Variants in AUTS2 observed in about 807,000 individuals in gnomAD.
The protein encoded by AUTS2 is activator of transcription and developmental regulator AUTS2.
In AUTS2, 17 loss-of-function variants were observed where a neutral mutation model predicts 112.4. That is an observed-to-expected ratio of 0.15 (90% CI 0.10 to 0.23). The LOEUF is 0.23. AUTS2 is among the 10% of genes least tolerant of loss of function. The probability of loss-of-function intolerance (pLI) is 1.00; values close to 1 mark genes in which losing one functional copy is unlikely to be tolerated. For synonymous variants in AUTS2, 751 were observed against 702.7 expected, an observed-to-expected ratio of 1.07 and a Z score of -1.09; for missense variants, 1,510 against 1,701.6, an observed-to-expected ratio of 0.89 and a Z score of 1.98.
chr7:70,517,346 G>A (rs1799456386), intron 5 of AUTS2, among the ~76,000 whole-genome samples: 1 of 152,050 alleles, frequency 6.6e-6, no homozygotes, highest in African/African-American at 2.4e-5. Context: ...ACATGGGTTT[G>A]GTGGTATCAG....
chr7:70,590,122 T>TTGTGTGTG (rs55775984), intron 5 of AUTS2, among the ~76,000 whole-genome samples: 9 of 143,500 alleles, frequency 6.3e-5, no homozygotes, highest in African/African-American at 1.8e-4. Flanking sequence ...GTTTTTGCAT[T>TTGTGTGTG]TGTGTGTGTG....
intron 4 of AUTS2, among the ~76,000 whole-genome samples, chr7:70,280,450 ATTTTTT>A (rs35280015): frequency 8.2e-6 from 1 of 121,864 alleles, no homozygotes; most frequent in African/African-American, 3.1e-5. Flanking sequence ...TGCCCGGCTG[ATTTTTT>A]TTTTTTTTTT....
intron 11 of AUTS2, among the ~76,000 whole-genome samples, chr7:70,772,648 A>G (rs934890002): frequency 5.9e-5 from 9 of 152,252 alleles, no homozygotes; most frequent in Admixed American, 1.3e-4. Flanking sequence ...AAAAGGCATT[A>G]GAGGTGGGGT....
At chr7:70,289,456 G>A (rs989730245) in intron 4 of AUTS2, among the ~76,000 whole-genome samples, 1 of 152,192 alleles carries the variant, frequency 6.6e-6, no homozygotes, top group Admixed American at 6.5e-5. Flanking sequence ...ACTGAGGAAT[G>A]TCCTATGGGT....
intron 2 of AUTS2, among the ~76,000 whole-genome samples, chr7:69,942,441 G>T (rs941755985): frequency 1.3e-5 from 2 of 152,098 alleles, no homozygotes; most frequent in African/African-American, 4.8e-5. Flanking sequence ...AGAAGTTTTT[G>T]GGCTATTTTT....
chr7:70,478,521 A>G (rs1238043898), intron 5 of AUTS2, among the ~76,000 whole-genome samples: 2 of 152,186 alleles, frequency 1.3e-5, no homozygotes, highest in African/African-American at 4.8e-5. Flanking sequence ...ACCACCCAGA[A>G]GTAGTTCCCT....
intron 5 of AUTS2, among the ~76,000 whole-genome samples, chr7:70,582,214 G>A (rs906809170): frequency 7.3e-5 from 11 of 151,530 alleles, no homozygotes; most frequent in East Asian, 3.9e-4. Context: ...TTAAAAGAAC[G>A]CAGTGTGGTT....
At chr7:70,099,921 G>T (rs1277495632) in intron 2 of AUTS2, among the ~76,000 whole-genome samples, 2 of 152,004 alleles carry the variant, frequency 1.3e-5, no homozygotes, top group Non-Finnish European at 2.9e-5. Context: ...CCTCTGATTT[G>T]TAGTTTGTTT....
Position 69,873,700 on chromosome 7 carries a change from A to G in AUTS2, c.310-25586A>G, listed in dbSNP as rs150620006. On this transcript the variant is annotated intron_variant, in intron 1 of 18. Coordinates refer to ENST00000342771, the MANE Select transcript of AUTS2 (RefSeq NM_015570.4). ...GTTAGAAATGCTGCAAGGAACAGAA[A>G]TGATTATCTATCCTAAGGGAATGAC... Among the ~76,000 whole-genome samples, 375 of 152,302 alleles carry G rather than the reference A, an allele frequency of 2.5e-3. 2 individuals are homozygous for G. Among genetic ancestry groups the G allele is most frequent in the African/African-American group, 8.5e-3 (354 of 41,550 alleles).
Position 70,719,707 on chromosome 7 carries a change from C to T in AUTS2, c.742+21087C>T, listed in dbSNP as rs1166396908. ...GTGAACTCCTGACCTTGTGATCCAC[C>T]CGCCTCAGCCTCCCAAAGTGCTGCG... On this transcript the variant is annotated intron_variant, in intron 6 of 18. Transcript: ENST00000342771. Among the ~76,000 whole-genome samples the T allele has an allele frequency of 3.9e-5, 6 of 152,164 alleles. No individual in the cohort carries two copies. The South Asian group carries it at 1.2e-3, about 32-fold the overall frequency.
rs201761633 is a variant in AUTS2, at chr7:69,677,710, A to G, written c.309+77748A>G. On this transcript the variant is annotated intron_variant, in intron 1 of 18. Coordinates refer to ENST00000342771, the MANE Select transcript of AUTS2 (RefSeq NM_015570.4). ...CTGGGGAGATTTATTTTTTGGAGACATCGCTCACATTGTTTACTCCTCTAG... is the reference window on the plus strand; with the variant it reads ...CTGGGGAGATTTATTTTTTGGAGACGTCGCTCACATTGTTTACTCCTCTAG... Among the ~76,000 whole-genome samples, 8 of 152,164 alleles carry G rather than the reference A, an allele frequency of 5.3e-5. No homozygotes were observed. The East Asian group carries it at 5.8e-4, about 11-fold the overall frequency.
At chr7:69,885,421 T>C (rs1346378861) in intron 1 of AUTS2, among the ~76,000 whole-genome samples, 6 of 152,238 alleles carry the variant, frequency 3.9e-5, no homozygotes, top group Non-Finnish European at 8.8e-5. Context: ...AATGTGAATT[T>C]TTCAGAAGGA....
chr7:69,668,902 C>A (rs533898365), intron 1 of AUTS2, among the ~76,000 whole-genome samples: 1 of 151,586 alleles, frequency 6.6e-6, no homozygotes, highest in Admixed American at 6.6e-5. Flanking sequence ...TTTTTCTGAT[C>A]ACATATGTAA....
intron 5 of AUTS2, among the ~76,000 whole-genome samples, chr7:70,565,760 A>G (rs1169396941): frequency 1.3e-5 from 2 of 152,346 alleles, no homozygotes; most frequent in African/African-American, 4.8e-5. Flanking sequence ...AAGCATTTCC[A>G]TATACTTGAA....
At chr7:70,778,604 G>C (rs985812184) in intron 14 of AUTS2, among the ~76,000 whole-genome samples, 1 of 151,506 alleles carries the variant, frequency 6.6e-6, no homozygotes, top group Non-Finnish European at 1.5e-5. Flanking sequence ...ATAAAAACCC[G>C]GTTAAAAGTT....
intron 4 of AUTS2, among the ~76,000 whole-genome samples, chr7:70,372,855 A>G (rs1172355772): frequency 6.6e-6 from 1 of 152,008 alleles, no homozygotes; most frequent in Non-Finnish European, 1.5e-5. Context: ...CATTTGTCCT[A>G]GGAGAAGCAC....
At chr7:70,498,673 T>A (rs193198722) in intron 5 of AUTS2, among the ~76,000 whole-genome samples, 1 of 152,302 alleles carries the variant, frequency 6.6e-6, no homozygotes, top group East Asian at 1.9e-4. Flanking sequence ...TGGAGAACAG[T>A]TGAATTTTTA....
chr7:70,145,619 A>G (rs1245712064), intron 4 of AUTS2, among the ~76,000 whole-genome samples: 1 of 152,142 alleles, frequency 6.6e-6, no homozygotes, highest in South Asian at 2.1e-4. Flanking sequence ...TAGTAGGTCT[A>G]TGTTATACAC....
At chr7:70,469,787 C>A (rs1006613291) in intron 5 of AUTS2, among the ~76,000 whole-genome samples, 9 of 152,154 alleles carry the variant, frequency 5.9e-5, no homozygotes, top group Admixed American at 5.9e-4. Context: ...AATACAGGCA[C>A]CCGCCACCAC....
Sources: gnomAD v4.1 joint callset for allele counts (sites outside exome capture counted in the v4.1 genomes callset) on GRCh38, gnomAD v4.1.1 for gene constraint, MANE v1.5 for transcripts, NCBI Gene and HGNC (gene_info 2026-07-23, HGNC 2026-07-21) for gene names.